The following XKR6 variants were observed in gnomAD, a reference collection of about 807,000 sequenced individuals.
The protein encoded by XKR6 is XK-related protein 6.
In XKR6, 22 loss-of-function variants were observed where a neutral mutation model predicts 56.7. The observed-to-expected ratio is 0.39, with a 90% confidence interval of 0.28 to 0.55. The LOEUF (loss-of-function observed/expected upper bound fraction) is 0.55. Among genes scored for constraint, XKR6 ranks in the 20% least tolerant of loss-of-function variants. XKR6 has a pLI of 0.66. For synonymous variants in XKR6, 524 were observed against 387.8 expected, an observed-to-expected ratio of 1.35 and a Z score of -4.13; for missense variants, 852 against 889.0, an observed-to-expected ratio of 0.96 and a Z score of 0.53.
At position 11,160,535 on chromosome 8, in the gene XKR6, G is replaced by A. The variant is rs368690549; in HGVS notation, c.764+40041C>T. Among the ~76,000 whole-genome samples, 4 of 152,302 alleles carry A rather than the reference G, an allele frequency of 2.6e-5. No homozygotes were observed. In the South Asian group the frequency reaches 8.3e-4, roughly 32 times the overall value. On this transcript the variant is annotated intron_variant, in intron 1 of 2. Coordinates refer to ENST00000416569, the MANE Select transcript of XKR6 (RefSeq NM_173683.4). ...GAGGGGCTCCAATACTGAAAAAGTAGACTTTGTATAGCTCAGATAAAGCGA... is the reference window on the plus strand; with the variant it reads ...GAGGGGCTCCAATACTGAAAAAGTAAACTTTGTATAGCTCAGATAAAGCGA...
chr8:11,021,354 G>T (rs1050753127), intron 1 of XKR6, among the ~76,000 whole-genome samples: 5 of 152,238 alleles, frequency 3.3e-5, no homozygotes, highest in African/African-American at 1.2e-4. Context: ...ACTGCTGAGA[G>T]TTTCTAGCTG....
rs1324830923 is a variant in XKR6, at chr8:10,969,980, C to T, written c.765-45150G>A. On this transcript the variant is annotated intron_variant, in intron 1 of 2. Coordinates refer to ENST00000416569, the MANE Select transcript of XKR6 (RefSeq NM_173683.4). ...CGAAACCCCATGCTGACCCCAGAGG[C>T]CCACAGACCCTGCCAAGTTCACCCT... 3.3e-5 allele frequency among the ~76,000 whole-genome samples: 5 copies of T among 152,242 alleles called. No homozygotes were observed. The East Asian group carries it at 9.6e-4, about 29-fold the overall frequency.
At chr8:11,162,463 A>C (rs78207581) in intron 1 of XKR6, among the ~76,000 whole-genome samples, 2 of 152,162 alleles carry the variant, frequency 1.3e-5, no homozygotes, top group Non-Finnish European at 2.9e-5. Context: ...AAACAAAACA[A>C]AACAAAAAAA....
chr8:11,055,216 T>C (rs1454392890), intron 1 of XKR6, among the ~76,000 whole-genome samples: 1 of 152,046 alleles, frequency 6.6e-6, no homozygotes, highest in African/African-American at 2.4e-5. Flanking sequence ...AAAGTAGAGA[T>C]TCACAGCCCA....
intron 1 of XKR6, among the ~76,000 whole-genome samples, chr8:11,012,193 C>A (rs1198870014): frequency 2.0e-5 from 3 of 152,180 alleles, no homozygotes; most frequent in East Asian, 3.9e-4. Flanking sequence ...CACAGGACCC[C>A]ACCCCACTCC....
rs529490354 is a variant in XKR6, at chr8:11,135,439, T to C, written c.764+65137A>G. ...AAGTTACCAAAAGTTAATCATGATT[T>C]ACTTACAGTTTAATATTGCTATCTT... On this transcript the variant is annotated intron_variant, in intron 1 of 2. Transcript: ENST00000416569. Among the ~76,000 whole-genome samples, 8 of 152,330 alleles carry C rather than the reference T, an allele frequency of 5.3e-5. No homozygotes were observed. In the East Asian group the frequency reaches 1.5e-3, roughly 29 times the overall value.
chr8:11,132,086 G>T (rs1800131222), intron 1 of XKR6, among the ~76,000 whole-genome samples: 3 of 152,072 alleles, frequency 2.0e-5, no homozygotes, highest in African/African-American at 7.3e-5. Context: ...GCACTCCACT[G>T]ACCCGAGATT....
chr8:11,172,463 G>A (rs117880699), intron 1 of XKR6, among the ~76,000 whole-genome samples: 324 of 152,292 alleles, frequency 2.1e-3, no homozygotes, highest in Admixed American at 4.3e-3. Flanking sequence ...CGTTATATCA[G>A]TTTGGCCATC....
chr8:10,988,614 T>C (rs1456665460), intron 1 of XKR6, among the ~76,000 whole-genome samples: 3 of 152,182 alleles, frequency 2.0e-5, no homozygotes, highest in African/African-American at 7.2e-5. Flanking sequence ...ACTGAGTCCA[T>C]GATCTACTGC....
At chr8:10,912,466 TAGAGAG>T (rs1172368505) in intron 2 of XKR6, among the ~76,000 whole-genome samples, 47 of 98,276 alleles carry the variant, frequency 4.8e-4, no homozygotes, top group Middle Eastern at 6.5e-3. Context: ...TATATATATA[TAGAGAG>T]AGAGAGAGAG....
chr8:11,048,400 G>A (rs1180177046), intron 1 of XKR6, among the ~76,000 whole-genome samples: 2 of 152,026 alleles, frequency 1.3e-5, no homozygotes, highest in Admixed American at 6.6e-5. Flanking sequence ...TCCCCGCCCC[G>A]CCCACCAGAG....
chr8:11,178,066 GC>G (rs1194464387), intron 1 of XKR6, among the ~76,000 whole-genome samples: 2 of 152,128 alleles, frequency 1.3e-5, no homozygotes, highest in Non-Finnish European at 2.9e-5. Context: ...AGAGTGCAGG[GC>G]CTAGTGACCG....
intron 1 of XKR6, among the ~76,000 whole-genome samples, chr8:11,018,080 C>T (rs1187882418): frequency 6.6e-6 from 1 of 152,164 alleles, no homozygotes; most frequent in African/African-American, 2.4e-5. Flanking sequence ...CCGAGTTAGA[C>T]AGCCCTCCTT....
chr8:11,144,181 C>T (rs1267143009), intron 1 of XKR6, among the ~76,000 whole-genome samples: 3 of 149,944 alleles, frequency 2.0e-5, no homozygotes, highest in South Asian at 2.1e-4. Flanking sequence ...AGTCCATAAA[C>T]GCTGTATATA....
chr8:10,969,849 G>A (rs74730988), intron 1 of XKR6, among the ~76,000 whole-genome samples: 33 of 152,220 alleles, frequency 2.2e-4, no homozygotes, highest in Non-Finnish European at 4.0e-4. Flanking sequence ...TGCCTGGGGT[G>A]GTTTATTTGC....
chr8:11,037,471 C>T (rs541527069), intron 1 of XKR6, among the ~76,000 whole-genome samples: 1 of 152,346 alleles, frequency 6.6e-6, no homozygotes, highest in South Asian at 2.1e-4. Context: ...GCGATCCACC[C>T]ACCTCCGGCT....
chr8:11,076,540 T>C (rs920699997), intron 1 of XKR6, among the ~76,000 whole-genome samples: 2 of 152,186 alleles, frequency 1.3e-5, no homozygotes, highest in Non-Finnish European at 2.9e-5. Flanking sequence ...GGTGAGAGTC[T>C]CGTGAGCTGT....
chr8:10,941,138 G>A (rs1801374732), intron 1 of XKR6, among the ~76,000 whole-genome samples: 2 of 152,048 alleles, frequency 1.3e-5, no homozygotes, highest in South Asian at 2.1e-4. Flanking sequence ...ACCCCTCCAG[G>A]CCCTGTCCAA....
At chr8:11,102,934 G>C (rs935245841) in intron 1 of XKR6, among the ~76,000 whole-genome samples, 9 of 152,188 alleles carry the variant, frequency 5.9e-5, no homozygotes, top group African/African-American at 2.2e-4. Context: ...CATGAGGAAA[G>C]ACAGCCAGGA....
Sources: gnomAD v4.1 joint callset for allele counts (sites outside exome capture counted in the v4.1 genomes callset) on GRCh38, gnomAD v4.1.1 for gene constraint, MANE v1.5 for transcripts, NCBI Gene and HGNC (gene_info 2026-07-23, HGNC 2026-07-21) for gene names.